ARFGEF3: variants seen among roughly 807,000 people sequenced by gnomAD.
ARFGEF3 encodes brefeldin A-inhibited guanine nucleotide-exchange protein 3.
In ARFGEF3, 96 loss-of-function variants were observed where a neutral mutation model predicts 221.7. That is an observed-to-expected ratio of 0.43 (90% confidence interval 0.37 to 0.51). The LOEUF is 0.51. Among genes scored for constraint, ARFGEF3 ranks in the 20% least tolerant of loss-of-function variants. The probability of loss-of-function intolerance (pLI) is 0.00; values close to 1 mark genes in which losing one functional copy is unlikely to be tolerated. For synonymous variants in ARFGEF3, 1,145 were observed against 1,126.8 expected (o/e 1.02, Z -0.32); for missense variants, 2,410 against 2,789.9 (o/e 0.86, Z 3.07).
At chr6:138,309,554 A>G (rs765932760) in intron 24 of ARFGEF3, among the ~76,000 whole-genome samples, 9 of 152,208 alleles carry the variant, frequency 5.9e-5, no homozygotes, top group Non-Finnish European at 8.8e-5. Context: ...CATAAGGGCA[A>G]TTATTTAATA....
Position 138,263,416 on chromosome 6 carries a change from C to T in ARFGEF3, c.1933C>T (p.Arg645Trp), listed in dbSNP as rs201686105. The T allele has an allele frequency of 1.3e-5, 21 of 1,613,968 alleles. No homozygotes were observed. The highest frequency in any genetic ancestry group is 1.1e-4 in the East Asian group (5 of 44,884). ...ACTAGCCGATGAAGAGCAGACACCCCGGGACTGCCTAGGCCACCGGTCCCT... is the reference window on the plus strand; with the variant it reads ...ACTAGCCGATGAAGAGCAGACACCCTGGGACTGCCTAGGCCACCGGTCCCT... Reference protein sequence around the residue: ...CSLADEEQTPRDCLGHRSLRT... With the variant: ...CSLADEEQTPWDCLGHRSLRT... Residue 645 changes from arginine (R) to tryptophan (W), a missense_variant, in exon 12 of 34, where the codon CGG becomes TGG. Physicochemically the swap from Arg to Trp is moderately radical, Grantham distance 101 (BLOSUM62 -3). Around this residue, in one of 5 missense-constraint regions of ARFGEF3, gnomAD observed 594 missense variants for 734.3 expected, o/e 0.81. Transcript: ENST00000251691.
intron 14 of ARFGEF3, among the ~76,000 whole-genome samples, chr6:138,281,790 GC>G (rs1477216635): frequency 6.6e-6 from 1 of 152,208 alleles, no homozygotes; most frequent in Non-Finnish European, 1.5e-5. Context: ...TTTGGCAAAA[GC>G]CACTTTTCAT....
intron 2 of ARFGEF3, among the ~76,000 whole-genome samples, chr6:138,205,311 T>C (rs947907828): frequency 1.3e-5 from 2 of 152,184 alleles, no homozygotes; most frequent in Non-Finnish European, 2.9e-5. Context: ...CCCCCATGCT[T>C]GTTCCCTGCT....
At chr6:138,305,456 A>G (rs1779702870) in intron 22 of ARFGEF3, among the ~76,000 whole-genome samples, 1 of 151,768 alleles carries the variant, frequency 6.6e-6, no homozygotes, top group Non-Finnish European at 1.5e-5. Context: ...AAGTATATAT[A>G]TACATATAGC....
At chr6:138,234,867 C>T (rs1480476169) in intron 5 of ARFGEF3, among the ~76,000 whole-genome samples, 1 of 152,138 alleles carries the variant, frequency 6.6e-6, no homozygotes, top group East Asian at 1.9e-4. Flanking sequence ...TTTAACAAAG[C>T]AGTGCCAATA....
chr6:138,316,961 T>A (rs1779936715), intron 26 of ARFGEF3, among the ~76,000 whole-genome samples: 1 of 152,214 alleles, frequency 6.6e-6, no homozygotes, highest in East Asian at 1.9e-4. Context: ...TATCATCAGC[T>A]CCCAGGAAAC....
At position 138,254,004 on chromosome 6, in the gene ARFGEF3, G is replaced by A. The variant is rs773315415; in HGVS notation, c.770+20G>A. Reference sequence around the variant, plus strand: ...GATCTGGTGAGCACCCACTCCTGACGCCCCGACGCTGATGCCAACCCAAGG... The same window carrying A: ...GATCTGGTGAGCACCCACTCCTGACACCCCGACGCTGATGCCAACCCAAGG... On this transcript the variant is annotated intron_variant, in intron 9 of 33. Transcript: ENST00000251691. 1.3e-5 allele frequency: 20 copies of A among 1,506,446 alleles called. No homozygotes were observed. The highest frequency in any genetic ancestry group is 2.6e-5 in the South Asian group (2 of 78,134). 93.3% of individuals were successfully genotyped at this position (1,506,446 alleles called of 1,614,324 possible).
At chr6:138,248,372 T>C (rs899183746) in intron 8 of ARFGEF3, among the ~76,000 whole-genome samples, 4 of 152,090 alleles carry the variant, frequency 2.6e-5, no homozygotes, top group African/African-American at 9.7e-5. Flanking sequence ...TCGGGGGTGC[T>C]TCTCCCTTAC....
At chr6:138,199,170 C>T (rs1347044518) in intron 2 of ARFGEF3, among the ~76,000 whole-genome samples, 1 of 152,182 alleles carries the variant, frequency 6.6e-6, no homozygotes, top group African/African-American at 2.4e-5. Flanking sequence ...CCTAATCTCT[C>T]TTAGTTTCAG....
At chr6:138,177,096 TA>T (rs2114441692) in intron 2 of ARFGEF3, among the ~76,000 whole-genome samples, 1 of 124,830 alleles carries the variant, frequency 8.0e-6, no homozygotes, top group South Asian at 2.3e-4. Flanking sequence ...TTTATTTATT[TA>T]TATTTTTTTT....
chr6:138,334,004 T>G lies in ARFGEF3; in HGVS notation c.5158T>G (p.Ser1720Ala). ...CAGGGAAATTGTGGTGAGCCTGCTG[T>G]CTCATCAGGTGTTACTCCAGAACTT... Reference protein sequence around the residue: ...SFREIVVSLLSHQVLLQNLYD... With the variant: ...SFREIVVSLLAHQVLLQNLYD... The change falls in exon 33 of 34, where the codon TCT (serine) becomes GCT (alanine). Residue 1720 changes from serine (S) to alanine (A), a missense_variant. Coordinates refer to ENST00000251691, the MANE Select transcript of ARFGEF3 (RefSeq NM_020340.5). This position sits in a 1 kb window ranked among gnomAD's most constrained non-coding sequence, Gnocchi z 5.1. The G allele has an allele frequency of 6.2e-7, 1 of 1,610,018 alleles. No individual in the cohort carries two copies. Among genetic ancestry groups the G allele is most frequent in the Non-Finnish European group, 8.5e-7 (1 of 1,176,720 alleles).
chr6:138,295,692 A>G (rs1053578162), intron 20 of ARFGEF3, among the ~76,000 whole-genome samples: 5 of 152,222 alleles, frequency 3.3e-5, no homozygotes, highest in Non-Finnish European at 7.3e-5. Context: ...AAAGACTTAC[A>G]GAACCAACAC....
At chr6:138,312,147 C>T (rs562135179) in intron 25 of ARFGEF3, among the ~76,000 whole-genome samples, 1 of 152,128 alleles carries the variant, frequency 6.6e-6, no homozygotes, top group African/African-American at 2.4e-5. Context: ...CAGAGCAAGA[C>T]TCTGTCTCAA....
chr6:138,297,755 TTTAGCTCATGATTCCATGAG>T (rs1209606998), intron 21 of ARFGEF3, among the ~76,000 whole-genome samples: 1 of 152,178 alleles, frequency 6.6e-6, no homozygotes, highest in East Asian at 1.9e-4. Context: ...CAACCATTTA[TTTAGCTCATGATTCCATGAG>T]TCAGAAATTT....
At chr6:138,257,491 T>A (rs1778706350) in intron 10 of ARFGEF3, among the ~76,000 whole-genome samples, 1 of 152,138 alleles carries the variant, frequency 6.6e-6, no homozygotes, top group African/African-American at 2.4e-5. Context: ...CTCATAGAAG[T>A]GTGATGCCAA....
chr6:138,244,931 T>G (rs1456101975), intron 7 of ARFGEF3, among the ~76,000 whole-genome samples: 1 of 152,228 alleles, frequency 6.6e-6, no homozygotes, highest in Non-Finnish European at 1.5e-5. Flanking sequence ...TTCTCTTTGT[T>G]AAGTGTGAGT....
chr6:138,267,251 C>T (rs1354196309), intron 12 of ARFGEF3, among the ~76,000 whole-genome samples: 1 of 152,110 alleles, frequency 6.6e-6, no homozygotes, highest in Non-Finnish European at 1.5e-5. Flanking sequence ...TGGCAAAACC[C>T]CGCCTCTACT....
intron 2 of ARFGEF3, among the ~76,000 whole-genome samples, chr6:138,195,366 A>G (rs185048004): frequency 3.8e-4 from 58 of 152,306 alleles, no homozygotes; most frequent in African/African-American, 9.6e-4. Context: ...ATGTAGAAAC[A>G]TGTAAATAAT....
rs766996867 is a variant in ARFGEF3 at position 138,162,218 on chromosome 6, G to A, written c.85+47G>A. 28 of 1,471,832 alleles carry A rather than the reference G, an allele frequency of 1.9e-5. No individual in the cohort carries two copies. The highest frequency in any genetic ancestry group is 3.8e-5 in the Admixed American group (2 of 52,244). The allele number at this position is 1,471,832 out of a possible 1,614,324, so 91.2% of individuals were successfully genotyped here. On this transcript the variant is annotated intron_variant, in intron 1 of 33. Transcript: ENST00000251691. The surrounding 1 kb of genome is among the most constrained non-coding windows in gnomAD (Gnocchi z 4.7). ...GCCGCGGCGGGAGGGCCGCGCGGCC[G>A]GGGCTGAACCCGCGCCTCCGCGCGT... is the stretch of plus-strand genomic sequence containing the variant.
Sources: allele counts gnomAD v4.1 joint callset (sites outside exome capture counted in the v4.1 genomes callset), GRCh38; gene constraint gnomAD v4.1.1; regional missense constraint gnomAD v4.1.1; non-coding constraint Gnocchi (gnomAD v3.1); transcripts MANE v1.5; gene names NCBI Gene and HGNC (gene_info 2026-07-23, HGNC 2026-07-21).